The following KDM6A variants were observed in gnomAD, a reference collection of about 807,000 sequenced individuals.
KDM6A encodes lysine-specific demethylase 6A.
Under a neutral mutation model 117.6 loss-of-function variants are expected in KDM6A, and 11 were observed. The observed-to-expected ratio is 0.09, with a 90% CI of 0.06 to 0.15. The LOEUF is 0.15. Among genes scored for constraint, KDM6A ranks in the 10% least tolerant of loss-of-function variants. The probability of loss-of-function intolerance (pLI) is 1.00; values close to 1 mark genes in which losing one functional copy is unlikely to be tolerated. For missense variants in KDM6A, 799 were observed against 1,077.3 expected (o/e 0.74, Z 3.62); for synonymous variants, 384 against 396.1 (o/e 0.97, Z 0.36).
intron 2 of KDM6A, among the ~76,000 whole-genome samples, chrX:44,894,239 A>G (rs2033619554): frequency 8.9e-6 from 1 of 111,993 alleles, no homozygotes; most frequent in Admixed American, 9.5e-5. Context: ...CCTCCATAAA[A>G]TGAGTTCCCT....
intron 8 of KDM6A, among the ~76,000 whole-genome samples, chrX:45,046,950 A>G (rs989060867): frequency 1.9e-5 from 2 of 105,921 alleles, no homozygotes; most frequent in Non-Finnish European, 3.8e-5. Flanking sequence ...TTGTAGCTCT[A>G]TTCTGGCAGT....
chrX:44,899,537 A>T (rs748498412), intron 2 of KDM6A, among the ~76,000 whole-genome samples: 86 of 104,335 alleles, frequency 8.2e-4, no homozygotes, highest in Non-Finnish European at 1.4e-3. Context: ...TTTTCTTGGA[A>T]TTTTTTTTTT....
chrX:44,952,553 G>A (rs776861675), intron 2 of KDM6A, among the ~76,000 whole-genome samples: 2 of 111,288 alleles, frequency 1.8e-5, no homozygotes, highest in Admixed American at 9.5e-5. Context: ...GATTATAGGC[G>A]CGAGCCACCG....
chrX:44,873,716 C>G lies in KDM6A; in HGVS notation c.161+4C>G. The stretch of plus-strand genomic sequence containing the variant: ...AGGCGCTCGGCGGACTGGACAGGTA[C>G]GGGCCGCCGTCACTCGCCCGGTCGG... On this transcript the variant is annotated splice_donor_region_variant and intron_variant, in intron 1 of 29. Transcript: ENST00000611820. 1 of 1,165,711 alleles carries G rather than the reference C, an allele frequency of 8.6e-7. No homozygotes were observed.
chrX:44,996,946 C>T (rs1179420926), intron 4 of KDM6A, among the ~76,000 whole-genome samples: 1 of 111,562 alleles, frequency 9.0e-6, no homozygotes, highest in Non-Finnish European at 1.9e-5. Flanking sequence ...TTGCCCCCCT[C>T]GCAGGGCATG....
intron 27 of KDM6A, among the ~76,000 whole-genome samples, chrX:45,091,626 A>G (rs1446289114): frequency 8.9e-6 from 1 of 111,814 alleles, no homozygotes; most frequent in Non-Finnish European, 1.9e-5. Flanking sequence ...TGTTAATGTA[A>G]TTTGTGAATG....
At chrX:45,081,640 G>A (rs1279119963) in intron 21 of KDM6A, among the ~76,000 whole-genome samples, 1 of 111,580 alleles carries the variant, frequency 9.0e-6, no homozygotes, top group Non-Finnish European at 1.9e-5. Flanking sequence ...GGATGCCCTA[G>A]GCCTTTCAGC....
chrX:45,012,063 C>T lies in KDM6A; in HGVS notation c.443+1044C>T, dbSNP rs2041782380. Reference sequence around the variant, plus strand: ...CAGCCTCCCAAAGTGCTGAGATTTACAGGCATGAGCCCCCACGCTGGCATC... The same window carrying T: ...CAGCCTCCCAAAGTGCTGAGATTTATAGGCATGAGCCCCCACGCTGGCATC... On this transcript the variant is annotated intron_variant, in intron 5 of 29. Coordinates refer to ENST00000611820, the MANE Select transcript of KDM6A (RefSeq NM_001291415.2). Among the ~76,000 whole-genome samples, 6 of 109,554 alleles carry T rather than the reference C, an allele frequency of 5.5e-5. No homozygotes were observed. In the Admixed American group the frequency reaches 5.8e-4, roughly 11 times the overall value.
At chrX:45,052,288 G>T (rs898981517) in intron 9 of KDM6A, among the ~76,000 whole-genome samples, 1 of 111,997 alleles carries the variant, frequency 8.9e-6, no homozygotes, top group Non-Finnish European at 1.9e-5. Context: ...TCACCAAAAA[G>T]ATAGTGAAAG....
At chrX:44,904,780 C>G (rs2034545516) in intron 2 of KDM6A, among the ~76,000 whole-genome samples, 1 of 111,570 alleles carries the variant, frequency 9.0e-6, no homozygotes, top group Non-Finnish European at 1.9e-5. Flanking sequence ...TGTTTGTTTT[C>G]AAGTCTACTG....
chrX:44,906,179 C>G (rs1227013480), intron 2 of KDM6A, among the ~76,000 whole-genome samples: 1 of 111,684 alleles, frequency 9.0e-6, no homozygotes, highest in East Asian at 2.8e-4. Flanking sequence ...TGGACACAGT[C>G]TTTCTCTGTA....
chrX:44,898,643 C>T (rs1569379817), intron 2 of KDM6A, among the ~76,000 whole-genome samples: 4 of 111,308 alleles, frequency 3.6e-5, no homozygotes, highest in Non-Finnish European at 7.5e-5. Flanking sequence ...CCCCTAGACC[C>T]CACTGACACT....
chrX:44,987,599 C>T (rs1349478232), intron 4 of KDM6A, among the ~76,000 whole-genome samples: 1 of 111,490 alleles, frequency 9.0e-6, no homozygotes, highest in East Asian at 2.8e-4. Flanking sequence ...TTAGGGCAGG[C>T]CTGGTGGTGA....
At chrX:44,874,152 T>G (rs1277980441) in intron 2 of KDM6A, among the ~76,000 whole-genome samples, 165 bp downstream of exon 2, 1 of 111,596 alleles carries the variant, frequency 9.0e-6, no homozygotes, top group Non-Finnish European at 1.9e-5. Context: ...CCGGGTACCC[T>G]GCTTGCTCCC....
At chrX:44,918,275 T>C (rs941704748) in intron 2 of KDM6A, among the ~76,000 whole-genome samples, 2 of 112,037 alleles carry the variant, frequency 1.8e-5, no homozygotes, top group Non-Finnish European at 3.8e-5. Flanking sequence ...ACTTGATTAA[T>C]GTTAGAATTA....
In KDM6A at chrX:45,047,689, T is replaced by C. The variant is rs1207168709; in HGVS notation, c.655-4020T>C. Among the ~76,000 whole-genome samples the C allele has an allele frequency of 6.6e-3, 471 of 71,876 alleles. 4 individuals are homozygous for C. Among genetic ancestry groups the C allele is most frequent in the African/African-American group, 0.022 (444 of 20,058 alleles). 62.4% of individuals were successfully genotyped at this position (71,876 alleles called of 115,157 possible). On this transcript the variant is annotated intron_variant, in intron 8 of 29. Coordinates refer to ENST00000611820, the MANE Select transcript of KDM6A (RefSeq NM_001291415.2). ...CTTTTTTTTTCTTTTTTTTTTTTTT[T>C]TTTTTTTTTTTTTTGACAGGATCTG...
At chrX:45,001,461 C>T (rs967764829) in intron 4 of KDM6A, among the ~76,000 whole-genome samples, 1 of 111,216 alleles carries the variant, frequency 9.0e-6, no homozygotes, top group Non-Finnish European at 1.9e-5. Flanking sequence ...TGGTTGACAC[C>T]GGGGTCTTTA....
chrX:45,086,717 G>C (rs1345356155), intron 25 of KDM6A, among the ~76,000 whole-genome samples: 2 of 111,222 alleles, frequency 1.8e-5, no homozygotes. Context: ...TTTTTAGTTG[G>C]TTTCAATTTG....
intron 3 of KDM6A, among the ~76,000 whole-genome samples, chrX:44,973,089 A>G (rs1474274012): frequency 9.0e-6 from 1 of 111,003 alleles, no homozygotes; most frequent in African/African-American, 3.3e-5. Flanking sequence ...GAGCCTTCAC[A>G]TCATCTATTT....
Sources: gnomAD v4.1 joint callset for allele counts (sites outside exome capture counted in the v4.1 genomes callset) on GRCh38, gnomAD v4.1.1 for gene constraint, MANE v1.5 for transcripts, NCBI Gene and HGNC (gene_info 2026-07-23, HGNC 2026-07-21) for gene names.